Variants in FSIP1 observed in about 807,000 individuals in gnomAD.
FSIP1 encodes fibrous sheath interacting protein 1.
Under a neutral mutation model 60.9 loss-of-function variants are expected in FSIP1, and 65 were observed. The observed-to-expected ratio is 1.07, with a 90% CI of 0.87 to 1.31. The LOEUF (loss-of-function observed/expected upper bound fraction) is 1.31, where lower values mean the gene tolerates loss of function less well. Among genes scored for constraint, FSIP1 ranks in the 40% most tolerant of loss-of-function variants. FSIP1 has a pLI of 0.00. For missense variants in FSIP1, 675 were observed against 665.5 expected (o/e 1.01, Z -0.16); for synonymous variants, 209 against 221.2 (o/e 0.94, Z 0.49).
In FSIP1 at chr15:39,648,019, G is replaced by A. The variant is rs1338962217; in HGVS notation, c.1189-29774C>T. Among the ~76,000 whole-genome samples the A allele has an allele frequency of 2.0e-5, 3 of 151,830 alleles. No individual in the cohort carries two copies. The South Asian group carries it at 6.3e-4, about 32-fold the overall frequency. On this transcript the variant is annotated intron_variant, in intron 10 of 11. Transcript: ENST00000350221. ...AATATCACACTCTGGGGACTGTGGT[G>A]GGGTGGGGGGAGCGGGGAGGGATAG...
intron 10 of FSIP1, among the ~76,000 whole-genome samples, chr15:39,648,607 A>G (rs941269686): frequency 2.0e-5 from 3 of 152,244 alleles, no homozygotes; most frequent in Admixed American, 2.0e-4. Flanking sequence ...AGTAAGTTAA[A>G]CAGATTTTTA....
intron 8 of FSIP1, among the ~76,000 whole-genome samples, chr15:39,733,310 C>T (rs1251052253): frequency 1.3e-5 from 2 of 152,176 alleles, no homozygotes; most frequent in Non-Finnish European, 2.9e-5. Context: ...AGATTACATG[C>T]GTGAGCCACC....
At chr15:39,776,774 A>G (rs368800162) in intron 1 of FSIP1, among the ~76,000 whole-genome samples, 12 of 152,158 alleles carry the variant, frequency 7.9e-5, no homozygotes, top group Non-Finnish European at 1.5e-4. Flanking sequence ...TGGCTAGAAG[A>G]GAACACAGAA....
intron 5 of FSIP1, among the ~76,000 whole-genome samples, chr15:39,752,581 T>TA: frequency 1.3e-5 from 2 of 152,112 alleles, no homozygotes; most frequent in East Asian, 3.9e-4. Flanking sequence ...AAGCATGAGA[T>TA]AAATTCCAAC....
chr15:39,671,393 A>AC (rs1893714302), intron 10 of FSIP1, among the ~76,000 whole-genome samples: 1 of 152,188 alleles, frequency 6.6e-6, no homozygotes, highest in South Asian at 2.1e-4. Flanking sequence ...TTTTATGTTG[A>AC]TTTTTTTTAA....
chr15:39,764,629 C>T (rs1418095676), intron 4 of FSIP1, among the ~76,000 whole-genome samples: 1 of 152,104 alleles, frequency 6.6e-6, no homozygotes, highest in Non-Finnish European at 1.5e-5. Flanking sequence ...CAAGTCAATG[C>T]CAACATCTAG....
chr15:39,717,054 C>T (rs140655752), intron 9 of FSIP1, among the ~76,000 whole-genome samples: 2,094 of 152,072 alleles, frequency 0.014, 38 homozygotes, highest in African/African-American at 0.046. Context: ...ACCTTGTGAT[C>T]CACCCACCTT....
chr15:39,738,413 C>A (rs922399068), intron 7 of FSIP1, among the ~76,000 whole-genome samples: 1 of 151,988 alleles, frequency 6.6e-6, no homozygotes, highest in African/African-American at 2.4e-5. Flanking sequence ...TATAAGCAGG[C>A]CCTGCTGTTA....
chr15:39,717,978 C>T (rs1895806798), intron 9 of FSIP1, among the ~76,000 whole-genome samples: 1 of 152,168 alleles, frequency 6.6e-6, no homozygotes, highest in South Asian at 2.1e-4. Flanking sequence ...ACCCTTTGCC[C>T]ATGTCCTCTA....
Position 39,694,565 on chromosome 15 carries a change from C to T in FSIP1, c.1188+18879G>A, listed in dbSNP as rs547546173. On this transcript the variant is annotated intron_variant, in intron 10 of 11. Coordinates refer to ENST00000350221, the MANE Select transcript of FSIP1 (RefSeq NM_152597.5). ...CCTGTAATCCCAGCACTTTGGGAGG[C>T]GAAGGCAGGTGGATCACTTGAGGTA... 1.6e-3 allele frequency among the ~76,000 whole-genome samples: 248 copies of T among 152,136 alleles called. 1 individual carries two copies. The highest frequency in any genetic ancestry group is 0.011 in the South Asian group (54 of 4,808).
At chr15:39,729,801 A>G (rs1896335562) in intron 8 of FSIP1, among the ~76,000 whole-genome samples, 1 of 152,210 alleles carries the variant, frequency 6.6e-6, no homozygotes, top group Non-Finnish European at 1.5e-5. Flanking sequence ...AAACTCAAAT[A>G]CTGCATGTTC....
At chr15:39,750,972 A>T (rs1897144543) in intron 5 of FSIP1, among the ~76,000 whole-genome samples, 1 of 151,974 alleles carries the variant, frequency 6.6e-6, no homozygotes, top group South Asian at 2.1e-4. Context: ...TGGGCAAAGT[A>T]AATAGATATT....
intron 10 of FSIP1, among the ~76,000 whole-genome samples, chr15:39,651,722 A>G (rs1166908907): frequency 6.6e-6 from 1 of 152,114 alleles, no homozygotes; most frequent in African/African-American, 2.4e-5. Context: ...ATTCTATTAA[A>G]CCTCTGGAGA....
At position 39,675,051 on chromosome 15, in the gene FSIP1, A is replaced by AG. The variant is rs570269364; in HGVS notation, c.1188+38392dup. Among the ~76,000 whole-genome samples, 26 of 152,034 alleles carry AG rather than the reference A, an allele frequency of 1.7e-4. No individual in the cohort carries two copies. In the South Asian group the frequency reaches 2.5e-3, roughly 15 times the overall value. On this transcript the variant is annotated intron_variant, in intron 10 of 11. Transcript: ENST00000350221. ...AGACATGAATAGGCTTTTTTTTTAA[A>AG]GGGGGGGTGGAATATATTAGACATA...
chr15:39,663,713 T>C (rs535940214), intron 10 of FSIP1, among the ~76,000 whole-genome samples: 69 of 152,090 alleles, frequency 4.5e-4, no homozygotes, highest in Non-Finnish European at 8.2e-4. Flanking sequence ...ACAAAAGGGG[T>C]TGCAGAATTA....
chr15:39,608,848 C>G (rs768461278), intron 11 of FSIP1, among the ~76,000 whole-genome samples: 19 of 152,036 alleles, frequency 1.2e-4, no homozygotes, highest in Non-Finnish European at 1.9e-4. Context: ...GCTGAGACAC[C>G]CCCTTGGACC....
In FSIP1 at chr15:39,614,754, C is replaced by A. The variant is rs114061325; in HGVS notation, c.1699+2981G>T. The stretch of plus-strand genomic sequence containing the variant: ...TCTATAGATTTAATGCAATTCCTAT[C>A]AAAAATCCAATGTCATTTTCACAGA... On this transcript the variant is annotated intron_variant, in intron 11 of 11. Coordinates refer to ENST00000350221, the MANE Select transcript of FSIP1 (RefSeq NM_152597.5). 9.4e-3 allele frequency among the ~76,000 whole-genome samples: 1,424 copies of A among 151,868 alleles called. 25 individuals are homozygous for A. Among genetic ancestry groups the A allele is most frequent in the African/African-American group, 0.033 (1,362 of 41,454 alleles).
chr15:39,724,757 T>A (rs1896122866), intron 9 of FSIP1, among the ~76,000 whole-genome samples: 1 of 152,204 alleles, frequency 6.6e-6, no homozygotes, highest in South Asian at 2.1e-4. Flanking sequence ...TTTCTATATT[T>A]AAGACCACAG....
chr15:39,670,767 A>G (rs1405234474), intron 10 of FSIP1, among the ~76,000 whole-genome samples: 1 of 152,262 alleles, frequency 6.6e-6, no homozygotes, highest in Non-Finnish European at 1.5e-5. Context: ...CTTAACATTC[A>G]TTGTAAATAC....
Sources: allele counts gnomAD v4.1 joint callset (sites outside exome capture counted in the v4.1 genomes callset), GRCh38; gene constraint gnomAD v4.1.1; transcripts MANE v1.5; gene names NCBI Gene and HGNC (gene_info 2026-07-23, HGNC 2026-07-21).